The following COL6A5 variants were observed in gnomAD, a reference collection of about 807,000 sequenced individuals.
COL6A5 encodes collagen type VI alpha 5 chain.
In COL6A5, 48 loss-of-function variants were observed where a neutral mutation model predicts 65.6. That is an observed-to-expected ratio of 0.73 (90% confidence interval 0.58 to 0.93). The LOEUF is 0.93. Among genes scored for constraint, COL6A5 ranks in the 40% least tolerant of loss-of-function variants. The pLI, the probability that COL6A5 is intolerant of heterozygous loss-of-function variation, is 0.00. For missense variants in COL6A5, 914 were observed against 928.3 expected (o/e 0.98, Z 0.20); for synonymous variants, 291 against 322.8 (o/e 0.90, Z 1.05).
chr3:130,443,611 T>C, intron 4 of COL6A5, 45 bp downstream of exon 36: 1 of 1,246,850 alleles, frequency 8.0e-7, no homozygotes, highest in Non-Finnish European at 1.2e-6. Context: ...GCTAATTGGC[T>C]GATGGGAGTA....
intron 5 of COL6A5, among the ~76,000 whole-genome samples, chr3:130,386,354 A>G (rs867620105): frequency 1.9e-4 from 29 of 152,064 alleles, no homozygotes; most frequent in Non-Finnish European, 8.8e-5. Flanking sequence ...AAGCGCTACA[A>G]AAAAGTTAGC....
intron 1 of COL6A5, among the ~76,000 whole-genome samples, chr3:130,350,596 C>T (rs1468124311): frequency 6.6e-6 from 1 of 152,192 alleles, no homozygotes; most frequent in Non-Finnish European, 1.5e-5. Flanking sequence ...AGGTATCCAA[C>T]TTACAAGGGA....
chr3:130,471,116 G>C, intron 7 of COL6A5, 149 bp downstream of exon 39: 1 of 627,832 alleles, frequency 1.6e-6, no homozygotes, highest in Non-Finnish European at 2.9e-6. Context: ...AATGCTACTC[G>C]TTTGTGATGA....
chr3:130,432,162 G>A (rs530157071), intron 1 of COL6A5, among the ~76,000 whole-genome samples: 2 of 152,086 alleles, frequency 1.3e-5, no homozygotes, highest in Non-Finnish European at 2.9e-5. Flanking sequence ...TGCTCAGCTC[G>A]TGCTGTATGC....
chr3:130,376,825 C>T (rs775088362), exon 3 of COL6A5: 3 of 1,610,520 alleles, frequency 1.9e-6, no homozygotes, highest in South Asian at 2.2e-5. Flanking sequence ...GCCGTCGATG[C>T]TGATATGCAA....
chr3:130,392,993 A>G (rs984919213), intron 7 of COL6A5, among the ~76,000 whole-genome samples: 1 of 151,496 alleles, frequency 6.6e-6, no homozygotes, highest in Non-Finnish European at 1.5e-5. Context: ...CAGTCCTGAC[A>G]CACCTGCCAG....
chr3:130,412,727 A>T (rs1184374917), intron 20 of COL6A5, among the ~76,000 whole-genome samples: 1 of 152,168 alleles, frequency 6.6e-6, no homozygotes, highest in Non-Finnish European at 1.5e-5. Context: ...AGCAAAAAGT[A>T]GCTTGAATCA....
chr3:130,388,714 C>G, exon 6 of COL6A5: 1 of 1,551,238 alleles, frequency 6.4e-7, no homozygotes, highest in Non-Finnish European at 8.7e-7. Context: ...AGACAAAACC[C>G]AGATTGGTGT....
chr3:130,435,173 C>T (rs749712252), intron 1 of COL6A5, among the ~76,000 whole-genome samples: 18 of 152,208 alleles, frequency 1.2e-4, no homozygotes, highest in Middle Eastern at 3.4e-3. Context: ...GCCAGTTTTC[C>T]CAGCACCATT....
intron 7 of COL6A5, among the ~76,000 whole-genome samples, chr3:130,479,283 T>G (rs1577549864): frequency 6.7e-6 from 1 of 149,940 alleles, no homozygotes; most frequent in South Asian, 2.1e-4. Context: ...AATGGGCCAG[T>G]GCATTGATCA....
At chr3:130,476,820 T>C (rs1710111378) in intron 7 of COL6A5, 1 of 629,838 alleles carries the variant, frequency 1.6e-6, no homozygotes, top group South Asian at 1.6e-5. Flanking sequence ...TCTGCATTTT[T>C]CTGTTGTAAT....
chr3:130,426,112 G>A (rs1937596926), intron 29 of COL6A5, 102 bp from the exon 30 acceptor site: 1 of 1,079,598 alleles, frequency 9.3e-7, no homozygotes, highest in Admixed American at 2.1e-5. Flanking sequence ...TACCAGCTGT[G>A]CTTTTAAGAA....
chr3:130,483,535 G>GT (rs370790816), intron 7 of COL6A5, among the ~76,000 whole-genome samples: 5 of 152,310 alleles, frequency 3.3e-5, no homozygotes, highest in African/African-American at 1.2e-4. Context: ...CATAGTGCAT[G>GT]TAGTTAAAGC....
At chr3:130,380,788 G>A (rs1399118791) in intron 4 of COL6A5, among the ~76,000 whole-genome samples, 2 of 152,116 alleles carry the variant, frequency 1.3e-5, no homozygotes, top group Non-Finnish European at 2.9e-5. Flanking sequence ...CTATATTTGG[G>A]TGTGACCAAC....
intron 4 of COL6A5, among the ~76,000 whole-genome samples, chr3:130,450,237 C>G (rs1305610358): frequency 6.6e-6 from 1 of 152,106 alleles, no homozygotes; most frequent in Non-Finnish European, 1.5e-5. Context: ...CAGCCCTGCT[C>G]CCCGTTTCCC....
In COL6A5 at chr3:130,424,773, A is replaced by C. The variant is rs138288916; in HGVS notation, c.5163+873A>C. 2.4e-3 allele frequency among the ~76,000 whole-genome samples: 364 copies of C among 152,250 alleles called. 3 individuals are homozygous for C. Among genetic ancestry groups the C allele is most frequent in the African/African-American group, 8.3e-3 (345 of 41,568 alleles). On this transcript the variant is annotated intron_variant and NMD_transcript_variant, in intron 29 of 41. Transcript: ENST00000312481. ...TTTTTTGGCATTAAGGAATGTGTGA[A>C]TATTCCTAGTTATGCGAGTGAGAAT... is the stretch of plus-strand genomic sequence containing the variant.
At chr3:130,375,815 C>G (rs1246584825) in intron 2 of COL6A5, among the ~76,000 whole-genome samples, 2 of 152,030 alleles carry the variant, frequency 1.3e-5, no homozygotes, top group Non-Finnish European at 2.9e-5. Flanking sequence ...CTCTCACTGT[C>G]ACAAGAACAG....
intron 1 of COL6A5, among the ~76,000 whole-genome samples, chr3:130,352,759 C>T (rs1409652994): frequency 1.3e-5 from 2 of 152,082 alleles, no homozygotes; most frequent in African/African-American, 4.8e-5. Context: ...TAATTTTAAC[C>T]ATTGTGATAT....
At position 130,423,308 on chromosome 3, in the gene COL6A5, C is replaced by T. The variant is rs143724498; in HGVS notation, c.5100+526C>T. Among the ~76,000 whole-genome samples the T allele has an allele frequency of 3.3e-3, 498 of 152,180 alleles. 13 individuals carry two copies. The highest frequency in any genetic ancestry group is 0.026 in the Admixed American group (404 of 15,256). ...CTTAGAAGCAAAATGCTGAGACAAG[C>T]ATCCTTTCATTTTAAAGTTTGAGTG... On this transcript the variant is annotated intron_variant and NMD_transcript_variant, in intron 28 of 41. Coordinates refer to the COL6A5 transcript ENST00000312481.
Sources: gnomAD v4.1 joint callset for allele counts (sites outside exome capture counted in the v4.1 genomes callset) on GRCh38, gnomAD v4.1.1 for gene constraint, MANE v1.5 for transcripts, NCBI Gene and HGNC (gene_info 2026-07-23, HGNC 2026-07-21) for gene names.